Variants in HECW1 observed in about 807,000 individuals in gnomAD.
HECW1 encodes HECT, C2 and WW domain containing E3 ubiquitin protein ligase 1.
HECW1 carries 61 observed loss-of-function variants against 182.3 expected under a neutral mutation model. That is an observed-to-expected ratio of 0.33 (90% CI 0.27 to 0.41). The LOEUF (loss-of-function observed/expected upper bound fraction) is 0.41, where lower values mean the gene tolerates loss of function less well. Among genes scored for constraint, HECW1 ranks in the 10% least tolerant of loss-of-function variants. HECW1 has a pLI of 1.00. For missense variants in HECW1, 1,739 were observed against 2,108.9 expected (o/e 0.82, Z 3.44); for synonymous variants, 859 against 832.6 (o/e 1.03, Z -0.55).
At chr7:43,231,018 G>A (rs1162956364) in intron 2 of HECW1, among the ~76,000 whole-genome samples, 2 of 152,164 alleles carry the variant, frequency 1.3e-5, no homozygotes, top group Admixed American at 6.5e-5. Context: ...GTTCTGTAGG[G>A]AATAGATGCT....
intron 19 of HECW1, among the ~76,000 whole-genome samples, chr7:43,496,705 T>G (rs2079135944): frequency 6.6e-6 from 1 of 152,186 alleles, no homozygotes; most frequent in Non-Finnish European, 1.5e-5. Flanking sequence ...GTCTCTGTCT[T>G]GGGTCTGCAA....
At chr7:43,282,947 A>G (rs1398847966) in intron 3 of HECW1, among the ~76,000 whole-genome samples, 1 of 152,012 alleles carries the variant, frequency 6.6e-6, no homozygotes, top group Admixed American at 6.6e-5. Context: ...GGAAAACCCC[A>G]TCCCTACTAA....
At chr7:43,480,463 T>C (rs939150624) in intron 17 of HECW1, among the ~76,000 whole-genome samples, 4 of 152,174 alleles carry the variant, frequency 2.6e-5, no homozygotes, top group African/African-American at 9.7e-5. Context: ...TGCCTTCTTT[T>C]TGTGGAAACC....
intron 2 of HECW1, among the ~76,000 whole-genome samples, chr7:43,222,596 A>C (rs529459090): frequency 6.6e-6 from 1 of 152,276 alleles, no homozygotes; most frequent in South Asian, 2.1e-4. Flanking sequence ...TTAGAGTCTA[A>C]AGATACTGTT....
At chr7:43,450,574 CAG>C (rs1362364487) in intron 11 of HECW1, among the ~76,000 whole-genome samples, 1 of 152,200 alleles carries the variant, frequency 6.6e-6, no homozygotes. Context: ...ATTACAGAAT[CAG>C]ACTCAAATCC....
At chr7:43,425,902 C>T (rs548232053) in intron 8 of HECW1, among the ~76,000 whole-genome samples, 8 of 152,074 alleles carry the variant, frequency 5.3e-5, no homozygotes, top group African/African-American at 7.2e-5. Context: ...TTCAAGCCAC[C>T]GCAGAGAAGA....
At chr7:43,544,557 C>T (rs1408099722) in intron 26 of HECW1, among the ~76,000 whole-genome samples, 2 of 151,070 alleles carry the variant, frequency 1.3e-5, no homozygotes, top group African/African-American at 4.9e-5. Context: ...TTGGTGATAT[C>T]GGTTCATATT....
chr7:43,421,983 T>TA (rs906437920), intron 8 of HECW1, among the ~76,000 whole-genome samples: 4 of 152,170 alleles, frequency 2.6e-5, no homozygotes, highest in African/African-American at 9.7e-5. Flanking sequence ...CTGGTCTCTT[T>TA]AATATCCCTT....
At chr7:43,340,906 A>G (rs1281069068) in intron 5 of HECW1, among the ~76,000 whole-genome samples, 1 of 151,762 alleles carries the variant, frequency 6.6e-6, no homozygotes, top group African/African-American at 2.4e-5. Flanking sequence ...CTTGGAACCA[A>G]CCCAAATGTC....
At chr7:43,364,593 G>A (rs998893679) in intron 6 of HECW1, among the ~76,000 whole-genome samples, 4 of 152,284 alleles carry the variant, frequency 2.6e-5, no homozygotes, top group African/African-American at 9.6e-5. Context: ...CAGGCGCCAT[G>A]AGTGGGCCTT....
chr7:43,544,259 C>A (rs1371921192), intron 26 of HECW1, among the ~76,000 whole-genome samples: 1 of 152,082 alleles, frequency 6.6e-6, no homozygotes. Flanking sequence ...AACATAAAGA[C>A]TATTTCTTTC....
chr7:43,333,040 G>C (rs1026856466), intron 5 of HECW1, among the ~76,000 whole-genome samples: 4 of 152,192 alleles, frequency 2.6e-5, no homozygotes, highest in Non-Finnish European at 4.4e-5. Flanking sequence ...TAGGCCAGTA[G>C]GGGTCCCATG....
chr7:43,503,611 C>G (rs1289735837), intron 21 of HECW1, among the ~76,000 whole-genome samples: 2 of 152,170 alleles, frequency 1.3e-5, no homozygotes, highest in Non-Finnish European at 2.9e-5. Context: ...CAAAGTACTT[C>G]TTTATTCTCT....
At chr7:43,207,343 G>A (rs543729609) in intron 2 of HECW1, among the ~76,000 whole-genome samples, 35 of 152,240 alleles carry the variant, frequency 2.3e-4, no homozygotes, top group African/African-American at 7.9e-4. Flanking sequence ...ACCGCACGCC[G>A]CCTAAAATTC....
intron 24 of HECW1, among the ~76,000 whole-genome samples, chr7:43,523,925 T>C (rs2080642793): frequency 6.6e-6 from 1 of 152,116 alleles, no homozygotes; most frequent in Non-Finnish European, 1.5e-5. Context: ...CATCCCTTCT[T>C]CCAGTATCCA....
At chr7:43,262,160 G>A (rs907187488) in intron 3 of HECW1, among the ~76,000 whole-genome samples, 1 of 152,158 alleles carries the variant, frequency 6.6e-6, no homozygotes, top group Non-Finnish European at 1.5e-5. Context: ...GATGGAGGTT[G>A]CAGTGAGCTG....
chr7:43,380,694 T>C (rs1398714388), intron 6 of HECW1, among the ~76,000 whole-genome samples: 1 of 151,912 alleles, frequency 6.6e-6, no homozygotes, highest in African/African-American at 2.4e-5. Flanking sequence ...ACTCGGGTAA[T>C]TTTTTTGTAT....
chr7:43,511,760 A>C (rs1239299577), intron 24 of HECW1: 2 of 175,682 alleles, frequency 1.1e-5, no homozygotes, highest in Non-Finnish European at 2.5e-5. Flanking sequence ...CAAACAAAAC[A>C]TGCAGGTTTC....
intron 6 of HECW1, among the ~76,000 whole-genome samples, chr7:43,387,615 C>T (rs1020693683): frequency 6.6e-6 from 1 of 152,186 alleles, no homozygotes; most frequent in Non-Finnish European, 1.5e-5. Context: ...ACTGATAACT[C>T]ATAGGTGTTA....
Sources: allele counts gnomAD v4.1 joint callset (sites outside exome capture counted in the v4.1 genomes callset), GRCh38; gene constraint gnomAD v4.1.1; transcripts MANE v1.5; gene names NCBI Gene and HGNC (gene_info 2026-07-23, HGNC 2026-07-21).